The following CHRM3 variants were observed in gnomAD, a reference collection of about 807,000 sequenced individuals.
The protein encoded by CHRM3 is muscarinic acetylcholine receptor M3.
A neutral mutation model predicts 41.8 loss-of-function variants in CHRM3; 11 were observed. The ratio of observed to expected loss-of-function variants is 0.26; its 90% confidence interval spans 0.17 to 0.44. The LOEUF is 0.44. Ranked by LOEUF, CHRM3 falls within the 20% of genes least tolerant of loss-of-function variation. The pLI is 1.00. For missense variants in CHRM3, 571 were observed against 745.4 expected (o/e 0.77, Z 2.72); for synonymous variants, 297 against 301.4 (o/e 0.99, Z 0.15).
At chr1:239,804,369 G>T (rs1670460593) in intron 5 of CHRM3, among the ~76,000 whole-genome samples, 1 of 151,978 alleles carries the variant, frequency 6.6e-6, no homozygotes, top group African/African-American at 2.4e-5. Flanking sequence ...ATTCATAGTG[G>T]ACTGCAATGT....
chr1:239,611,772 C>T (rs534587408), intron 3 of CHRM3, among the ~76,000 whole-genome samples: 1 of 152,108 alleles, frequency 6.6e-6, no homozygotes, highest in African/African-American at 2.4e-5. Flanking sequence ...AGTCATTTTT[C>T]GCTGAACAAT....
chr1:239,631,655 C>T (rs1226728848), intron 3 of CHRM3, among the ~76,000 whole-genome samples: 2 of 152,194 alleles, frequency 1.3e-5, no homozygotes, highest in Non-Finnish European at 2.9e-5. Flanking sequence ...AGCTGTCAGG[C>T]TCAGTACACT....
At chr1:239,845,082 A>G (rs1230227298) in intron 6 of CHRM3, among the ~76,000 whole-genome samples, 3 of 152,212 alleles carry the variant, frequency 2.0e-5, no homozygotes, top group Non-Finnish European at 4.4e-5. Context: ...ATATTTGCAG[A>G]TAAGAGATTG....
intron 5 of CHRM3, among the ~76,000 whole-genome samples, chr1:239,714,457 G>A (rs368699443): frequency 1.2e-4 from 18 of 152,232 alleles, no homozygotes; most frequent in South Asian, 1.0e-3. Flanking sequence ...GCTGAGACCC[G>A]AAAGGTAAAT....
intron 5 of CHRM3, among the ~76,000 whole-genome samples, chr1:239,692,681 AT>A (rs142747355): frequency 6.6e-6 from 1 of 152,338 alleles, no homozygotes; most frequent in East Asian, 1.9e-4. Flanking sequence ...AAATTCAATG[AT>A]CTTTGAACTC....
intron 1 of CHRM3, among the ~76,000 whole-genome samples, chr1:239,410,530 C>G (rs1660983250): frequency 6.6e-6 from 1 of 152,108 alleles, no homozygotes; most frequent in African/African-American, 2.4e-5. Context: ...AGTCATTTCC[C>G]AGGGCAGAAG....
chr1:239,684,992 C>T (rs1257801435), intron 5 of CHRM3, among the ~76,000 whole-genome samples: 1 of 152,132 alleles, frequency 6.6e-6, no homozygotes, highest in Non-Finnish European at 1.5e-5. Flanking sequence ...AGCAGAAAAA[C>T]CTCTCCCTTG....
At chr1:239,470,475 G>A (rs1666038006) in intron 1 of CHRM3, among the ~76,000 whole-genome samples, 1 of 152,204 alleles carries the variant, frequency 6.6e-6, no homozygotes, top group Non-Finnish European at 1.5e-5. Context: ...ATGTTACCGT[G>A]TGGGCCTTGG....
intron 1 of CHRM3, among the ~76,000 whole-genome samples, chr1:239,400,546 A>G (rs1368448990): frequency 6.6e-6 from 1 of 152,034 alleles, no homozygotes; most frequent in African/African-American, 2.4e-5. Flanking sequence ...TGTTCTAAAC[A>G]TTTTCCAGTG....
At position 239,518,841 on chromosome 1, in the gene CHRM3, A is replaced by G. The variant is rs555549671; in HGVS notation, c.-422+26034A>G. ...TCCTCCTGAATTTAGCCCAGTCTATATTTAATACAAAGACTTAGTCCACAG... is the reference window on the plus strand; with the variant it reads ...TCCTCCTGAATTTAGCCCAGTCTATGTTTAATACAAAGACTTAGTCCACAG... On this transcript the variant is annotated intron_variant, in intron 2 of 6. Coordinates refer to ENST00000676153, the MANE Select transcript of CHRM3 (RefSeq NM_001375978.1). Among the ~76,000 whole-genome samples, 100 of 152,342 alleles carry G rather than the reference A, an allele frequency of 6.6e-4. 1 individual carries two copies. The highest frequency in any genetic ancestry group is 7.2e-4 in the Non-Finnish European group (49 of 68,042).
intron 3 of CHRM3, among the ~76,000 whole-genome samples, chr1:239,623,206 TGCACCC>T: frequency 6.6e-6 from 1 of 151,966 alleles, no homozygotes; most frequent in African/African-American, 2.4e-5. Flanking sequence ...GTTGGTGTGC[TGCACCC>T]TTAAATCGTC....
chr1:239,567,927 T>C (rs1167872256), intron 3 of CHRM3, among the ~76,000 whole-genome samples: 1 of 152,172 alleles, frequency 6.6e-6, no homozygotes. Context: ...GGGTTCTCTC[T>C]AGGCCCCAAT....
chr1:239,745,682 A>T (rs1262419867), intron 5 of CHRM3, among the ~76,000 whole-genome samples: 2 of 152,062 alleles, frequency 1.3e-5, no homozygotes, highest in African/African-American at 4.8e-5. Context: ...TTATAATTTT[A>T]GAAGGAAAGT....
intron 6 of CHRM3, among the ~76,000 whole-genome samples, chr1:239,887,309 C>T (rs951293462): frequency 6.6e-6 from 1 of 152,046 alleles, no homozygotes; most frequent in Non-Finnish European, 1.5e-5. Flanking sequence ...TCAAGCGATT[C>T]TCCTGCCTCA....
intron 4 of CHRM3, among the ~76,000 whole-genome samples, chr1:239,651,851 AC>A (rs569743360): frequency 6.6e-6 from 1 of 151,582 alleles, no homozygotes; most frequent in Non-Finnish European, 1.5e-5. Context: ...TCCAGACAGC[AC>A]CCCCCCACAC....
chr1:239,777,508 C>T (rs994236328), intron 5 of CHRM3, among the ~76,000 whole-genome samples: 15 of 152,142 alleles, frequency 9.9e-5, no homozygotes, highest in Admixed American at 3.3e-4. Flanking sequence ...ATGGAAACTT[C>T]AGGAAGATAA....
At chr1:239,846,865 A>G (rs1433038461) in intron 6 of CHRM3, among the ~76,000 whole-genome samples, 1 of 152,228 alleles carries the variant, frequency 6.6e-6, no homozygotes, top group Non-Finnish European at 1.5e-5. Flanking sequence ...TCCAGTTTTG[A>G]TAGAACATCT....
intron 5 of CHRM3, among the ~76,000 whole-genome samples, chr1:239,803,295 G>T (rs969790172): frequency 6.6e-6 from 1 of 152,018 alleles, no homozygotes; most frequent in African/African-American, 2.4e-5. Flanking sequence ...CAATACATTC[G>T]GAGACCACTT....
chr1:239,693,404 G>A (rs1659892082), intron 5 of CHRM3, among the ~76,000 whole-genome samples: 2 of 152,016 alleles, frequency 1.3e-5, no homozygotes, highest in African/African-American at 4.8e-5. Context: ...ATGAGAAGGT[G>A]GCATTCTGCA....
Sources: allele counts gnomAD v4.1 joint callset (sites outside exome capture counted in the v4.1 genomes callset), GRCh38; gene constraint gnomAD v4.1.1; transcripts MANE v1.5; gene names NCBI Gene and HGNC (gene_info 2026-07-23, HGNC 2026-07-21).